GPR157: variants seen among roughly 807,000 people sequenced by gnomAD.
GPR157 encodes the protein G-protein coupled receptor 157.
Under a neutral mutation model 23.5 loss-of-function variants are expected in GPR157, and 16 were observed. The observed-to-expected ratio is 0.68, with a 90% CI of 0.46 to 1.04. The LOEUF (loss-of-function observed/expected upper bound fraction) is 1.04, where lower values mean the gene tolerates loss of function less well. Among genes scored for constraint, GPR157 ranks in the 50% least tolerant of loss-of-function variants. The probability of loss-of-function intolerance (pLI) is 0.00; values close to 1 mark genes in which losing one functional copy is unlikely to be tolerated. For synonymous variants in GPR157, 200 were observed against 221.5 expected, an observed-to-expected ratio of 0.90 and a Z score of 0.86; for missense variants, 440 against 460.7, an observed-to-expected ratio of 0.96 and a Z score of 0.41.
intron 1 of GPR157, among the ~76,000 whole-genome samples, chr1:9,121,071 G>C (rs945306316): frequency 6.6e-6 from 1 of 151,884 alleles, no homozygotes; most frequent in Non-Finnish European, 1.5e-5. Context: ...GGTGGCTCAC[G>C]CCTGTAATCC....
chr1:9,114,907 C>A (rs1332432323), intron 1 of GPR157, among the ~76,000 whole-genome samples: 3 of 120,262 alleles, frequency 2.5e-5, no homozygotes, highest in Non-Finnish European at 4.8e-5. Context: ...GGTGACAGAG[C>A]GAGACTCCGT....
intron 1 of GPR157, among the ~76,000 whole-genome samples, chr1:9,112,688 G>A (rs1269228204): frequency 6.6e-6 from 1 of 152,126 alleles, no homozygotes; most frequent in African/African-American, 2.4e-5. Context: ...CCCGACCTCA[G>A]GTGATCCACC....
Position 9,128,612 on chromosome 1 carries a change from G to A in GPR157, c.383+33C>T. 1.2e-6 allele frequency: 2 copies of A among 1,603,512 alleles called. No individual in the cohort carries two copies. Among genetic ancestry groups the A allele is most frequent in the South Asian group, 2.2e-5 (2 of 90,540 alleles). On this transcript the variant is annotated intron_variant, in intron 1 of 3. Coordinates refer to ENST00000377411, the MANE Select transcript of GPR157 (RefSeq NM_024980.5). This position sits in a 1 kb window ranked among gnomAD's most constrained non-coding sequence, Gnocchi z 6.3. ...CCGGGAGGGGTCGGCCTGTGTCGGGGGCTCCTGGAAAAGCAGCGCCACCGC... is the reference window on the plus strand; with the variant it reads ...CCGGGAGGGGTCGGCCTGTGTCGGGAGCTCCTGGAAAAGCAGCGCCACCGC...
Position 9,105,641 on chromosome 1 carries a change from C to T in GPR157, c.637G>A (p.Glu213Lys), listed in dbSNP as rs767320305. ...LSEYRPILSQ[E>K]HRLLRHSSMA... ...GAGGAGTGGCGCAGCAGGCGGTGCTCCTGGGAGAGGATGGGCCGGTACTCA... is the reference window on the plus strand; with the variant it reads ...GAGGAGTGGCGCAGCAGGCGGTGCTTCTGGGAGAGGATGGGCCGGTACTCA... The change falls in exon 3 of 4, where the codon GAG (glutamate) becomes AAG (lysine). Residue 213 changes from glutamate to lysine, a missense_variant. Glu to Lys is a moderately conservative substitution (Grantham distance 56). Coordinates refer to ENST00000377411, the MANE Select transcript of GPR157 (RefSeq NM_024980.5). This position sits in a 1 kb window ranked among gnomAD's most constrained non-coding sequence, Gnocchi z 4.8. The T allele has an allele frequency of 1.9e-6, 3 of 1,612,754 alleles. No homozygotes were observed. The highest frequency in any genetic ancestry group is 2.7e-5 in the African/African-American group (2 of 74,888).
At position 9,104,136 on chromosome 1, in the gene GPR157, C is replaced by A; in HGVS notation, c.*283G>T. ...GGTCCACTGGGTGGGGGCACTGTGG[C>A]CACAGCTGTGGGCCACCGGCTTCCC... On this transcript the variant is annotated 3_prime_UTR_variant, in exon 4 of 4. Transcript: ENST00000377411. The A allele has an allele frequency of 2.3e-6, 1 of 430,190 alleles. No homozygotes were observed. Among genetic ancestry groups the A allele is most frequent in the Non-Finnish European group, 4.3e-6 (1 of 232,250 alleles). The allele number at this position is 430,190 out of a possible 1,614,324, so 26.6% of individuals were successfully genotyped here. A position where few individuals can be genotyped will look rare whatever the true frequency, so the allele number is the denominator to read the frequency against.
chr1:9,127,643 A>C (rs1166740483), intron 1 of GPR157, among the ~76,000 whole-genome samples: 1 of 152,184 alleles, frequency 6.6e-6, no homozygotes, highest in East Asian at 1.9e-4. Flanking sequence ...TGCACAACTG[A>C]AGGTCAAGCG....
rs150331624 is a variant in GPR157 at position 9,105,667 on chromosome 1, G to C, written c.611C>G (p.Ser204Cys). The C allele has an allele frequency of 2.5e-4, 401 of 1,610,384 alleles. No individual in the cohort carries two copies. Among genetic ancestry groups the C allele is most frequent in the Non-Finnish European group, 3.3e-4 (391 of 1,178,358 alleles). The change falls in exon 3 of 4, where the codon TCT becomes TGT. Residue 204 changes from serine to cysteine, a missense_variant. Physicochemically the swap from Ser to Cys is moderately radical, Grantham distance 112 (BLOSUM62 -1). Coordinates refer to ENST00000377411, the MANE Select transcript of GPR157 (RefSeq NM_024980.5). The surrounding 1 kb of genome is among the most constrained non-coding windows in gnomAD (Gnocchi z 4.8). The stretch of plus-strand genomic sequence containing the variant: ...CTGGGAGAGGATGGGCCGGTACTCA[G>C]AGAGTGCCGTGTGCTGTGTGGGGAC... Reference protein sequence around the residue: ...KHINRAHTALSEYRPILSQEH... With the variant: ...KHINRAHTALCEYRPILSQEH...
chr1:9,116,216 T>TATTTATATTATA (rs1638645979), intron 1 of GPR157, among the ~76,000 whole-genome samples: 2 of 13,172 alleles, frequency 1.5e-4, no homozygotes, highest in Non-Finnish European at 2.3e-4. Flanking sequence ...TAATTATATA[T>TATTTATATTATA]ATATTACATA....
chr1:9,128,735 A>T lies in GPR157; in HGVS notation c.293T>A (p.Val98Glu). 6.2e-7 allele frequency: 1 copy of T among 1,613,354 alleles called. No individual in the cohort carries two copies. Among genetic ancestry groups the T allele is most frequent in the Non-Finnish European group, 8.5e-7 (1 of 1,179,918 alleles). Residue 98 changes from valine to glutamate, a missense_variant, in exon 1 of 4, where the codon GTG becomes GAG. Physicochemically the swap from Val to Glu is moderately radical, Grantham distance 121. Coordinates refer to ENST00000377411, the MANE Select transcript of GPR157 (RefSeq NM_024980.5). This position sits in a 1 kb window ranked among gnomAD's most constrained non-coding sequence, Gnocchi z 6.3. ...GAGGTACAAGTAGAGCGCAATGGCC[A>T]CGGTCCAGAAGAAGGAGCTGGTGTT... The part of the protein sequence containing the change: ...FANTSSFFWT[V>E]AIALYLYLSI...
Position 9,104,130 on chromosome 1 carries a change from C to A in GPR157, c.*289G>T. The A allele has an allele frequency of 2.4e-6, 1 of 416,264 alleles. No individual in the cohort carries two copies. The highest frequency in any genetic ancestry group is 3.0e-5 in the South Asian group (1 of 32,844). 25.8% of individuals were successfully genotyped at this position (416,264 alleles called of 1,614,324 possible). A position where few individuals can be genotyped will look rare whatever the true frequency, so the allele number is the denominator to read the frequency against. On this transcript the variant is annotated 3_prime_UTR_variant, in exon 4 of 4. Coordinates refer to ENST00000377411, the MANE Select transcript of GPR157 (RefSeq NM_024980.5). ...CATCAAGGTCCACTGGGTGGGGGCA[C>A]TGTGGCCACAGCTGTGGGCCACCGG...
intron 1 of GPR157, among the ~76,000 whole-genome samples, chr1:9,121,819 G>T (rs1403565257): frequency 6.6e-6 from 1 of 152,160 alleles, no homozygotes; most frequent in Non-Finnish European, 1.5e-5. Flanking sequence ...ATGAACGTGT[G>T]TGTGAGAGGC....
At chr1:9,123,108 A>C (rs904021459) in intron 1 of GPR157, among the ~76,000 whole-genome samples, 4 of 148,632 alleles carry the variant, frequency 2.7e-5, no homozygotes, top group Non-Finnish European at 4.4e-5. Context: ...GTGAGCCGAG[A>C]GATCGCACCA....
At chr1:9,123,322 T>TTAA (rs1371756844) in intron 1 of GPR157, among the ~76,000 whole-genome samples, 9 of 24,032 alleles carry the variant, frequency 3.7e-4, no homozygotes, top group Admixed American at 1.7e-3. Context: ...TATATTAAAA[T>TTAA]ATATATATTT....
intron 1 of GPR157, among the ~76,000 whole-genome samples, chr1:9,115,793 G>T (rs1569962995): frequency 6.7e-6 from 1 of 149,894 alleles, no homozygotes; most frequent in Admixed American, 6.7e-5. Context: ...TAGATCAGGG[G>T]TCCAGCAAAC....
chr1:9,105,911 A>T lies in GPR157; in HGVS notation c.598-231T>A, dbSNP rs1638306620. ...AAACAGCTCACATCCAAGACAGAAGATGGATCTTGACCCCTGAGGCCAATG... is the reference window on the plus strand; with the variant it reads ...AAACAGCTCACATCCAAGACAGAAGTTGGATCTTGACCCCTGAGGCCAATG... On this transcript the variant is annotated intron_variant, in intron 2 of 3. Coordinates refer to ENST00000377411, the MANE Select transcript of GPR157 (RefSeq NM_024980.5). The surrounding 1 kb of genome is among the most constrained non-coding windows in gnomAD (Gnocchi z 4.8). Among the ~76,000 whole-genome samples, 1 of 151,962 alleles carries T rather than the reference A, an allele frequency of 6.6e-6. No homozygotes were observed. The highest frequency in any genetic ancestry group is 6.5e-5 in the Admixed American group (1 of 15,270).
At chr1:9,123,538 A>G (rs1172661301) in intron 1 of GPR157, among the ~76,000 whole-genome samples, 8 of 44,598 alleles carry the variant, frequency 1.8e-4, no homozygotes, top group African/African-American at 8.8e-4. Context: ...ATATATTTAA[A>G]TATATCTAAT....
Position 9,122,008 on chromosome 1 carries a change from C to G in GPR157, c.383+6637G>C, listed in dbSNP as rs557582355. 1.5e-3 allele frequency among the ~76,000 whole-genome samples: 235 copies of G among 152,302 alleles called. 1 individual carries two copies. The highest frequency in any genetic ancestry group is 2.6e-3 in the Non-Finnish European group (175 of 68,022). On this transcript the variant is annotated intron_variant, in intron 1 of 3. Transcript: ENST00000377411. ...ATGCTCACAGGCCATACAGCTGATGCCTGGCCCCATGGAGGTCCTGGTGGA... is the reference window on the plus strand; with the variant it reads ...ATGCTCACAGGCCATACAGCTGATGGCTGGCCCCATGGAGGTCCTGGTGGA...
intron 1 of GPR157, among the ~76,000 whole-genome samples, chr1:9,116,338 ATT>A (rs1455498106): frequency 2.8e-4 from 2 of 7,026 alleles, no homozygotes; most frequent in Middle Eastern, 0.045. Flanking sequence ...ATTATATATA[ATT>A]TATATATAAT....
rs77930750 is a variant in GPR157, at chr1:9,128,459, G to A, written c.383+186C>T. 1,222 of 687,000 alleles carry A rather than the reference G, an allele frequency of 1.8e-3. 8 individuals are homozygous for A. The African/African-American group carries it at 0.019, about 11-fold the overall frequency. 42.6% of individuals were successfully genotyped at this position (687,000 alleles called of 1,614,324 possible). A position where few individuals can be genotyped will look rare whatever the true frequency, so the allele number is the denominator to read the frequency against. ...GGCAGGCACAGCGGGGCTCCTTCGG[G>A]AGGGAGCGAATCTCGGGCAAGGCTG... is the stretch of plus-strand genomic sequence containing the variant. On this transcript the variant is annotated intron_variant, in intron 1 of 3. Coordinates refer to ENST00000377411, the MANE Select transcript of GPR157 (RefSeq NM_024980.5). This position sits in a 1 kb window ranked among gnomAD's most constrained non-coding sequence, Gnocchi z 6.3.
Sources: allele counts gnomAD v4.1 joint callset (sites outside exome capture counted in the v4.1 genomes callset), GRCh38; gene constraint gnomAD v4.1.1; non-coding constraint Gnocchi (gnomAD v3.1); transcripts MANE v1.5; gene names NCBI Gene and HGNC (gene_info 2026-07-23, HGNC 2026-07-21).